The following CCSER2 variants were observed in gnomAD, a reference collection of about 807,000 sequenced individuals.
CCSER2 encodes the protein coiled-coil serine rich protein 2, also known as serine-rich coiled-coil domain-containing protein 2.
In CCSER2, 46 loss-of-function variants were observed where a neutral mutation model predicts 92.3. The observed-to-expected ratio is 0.50, with a 90% CI of 0.39 to 0.64. The LOEUF (loss-of-function observed/expected upper bound fraction) is 0.64. Ranked by LOEUF, CCSER2 falls within the 30% of genes least tolerant of loss-of-function variation. CCSER2 has a pLI of 0.00. For synonymous variants in CCSER2, 433 were observed against 431.4 expected, an observed-to-expected ratio of 1.00 and a Z score of -0.04; for missense variants, 1,244 against 1,238.9, an observed-to-expected ratio of 1.00 and a Z score of -0.06.
chr10:84,389,334 C>T (rs981419534), intron 3 of CCSER2: 14 of 522,946 alleles, frequency 2.7e-5, no homozygotes, highest in Non-Finnish European at 4.6e-5. Context: ...GCAATGTTGA[C>T]AATCTCATCA....
At chr10:84,391,917 T>C (rs1463450720) in intron 3 of CCSER2, 2 of 1,347,768 alleles carry the variant, frequency 1.5e-6, no homozygotes, top group African/African-American at 2.9e-5. Context: ...CAAAAGATGA[T>C]CTCAGAGACA....
intron 7 of CCSER2, among the ~76,000 whole-genome samples, chr10:84,467,784 G>A (rs1846537528): frequency 6.6e-6 from 1 of 152,146 alleles, no homozygotes; most frequent in East Asian, 1.9e-4. Context: ...TAGAAATACA[G>A]TGTCACCCTT....
intron 1 of CCSER2, among the ~76,000 whole-genome samples, chr10:84,367,445 C>T (rs1432759973): frequency 2.0e-5 from 3 of 151,648 alleles, no homozygotes; most frequent in East Asian, 1.9e-4. Flanking sequence ...GGCTTGATCA[C>T]GGCTCACTGC....
intron 9 of CCSER2, among the ~76,000 whole-genome samples, chr10:84,478,886 A>T (rs1847304158): frequency 6.6e-6 from 1 of 152,210 alleles, no homozygotes. Context: ...AGATGATGTG[A>T]TATTATTTAA....
chr10:84,351,137 A>G (rs1432619258), intron 1 of CCSER2, among the ~76,000 whole-genome samples: 2 of 152,182 alleles, frequency 1.3e-5, no homozygotes, highest in Non-Finnish European at 2.9e-5. Flanking sequence ...CATATAGCTG[A>G]CTCTGTGTGT....
At chr10:84,394,905 C>T (rs2093223224) in intron 3 of CCSER2, among the ~76,000 whole-genome samples, 1 of 151,876 alleles carries the variant, frequency 6.6e-6, no homozygotes, top group Non-Finnish European at 1.5e-5. Context: ...GAGAAAAAGT[C>T]AGTGAACTTA....
chr10:84,423,531 T>C (rs879748096), intron 4 of CCSER2, among the ~76,000 whole-genome samples: 2 of 152,238 alleles, frequency 1.3e-5, no homozygotes, highest in Non-Finnish European at 2.9e-5. Flanking sequence ...ACCCATCTCC[T>C]GGCCTATTCG....
At chr10:84,476,739 G>A (rs1026619625) in intron 8 of CCSER2, among the ~76,000 whole-genome samples, 26 of 152,070 alleles carry the variant, frequency 1.7e-4, no homozygotes, top group Admixed American at 1.3e-4. Flanking sequence ...CACCGTGCCT[G>A]GCCGGGAGAA....
chr10:84,491,569 G>T (rs756701314), intron 9 of CCSER2, among the ~76,000 whole-genome samples: 5 of 152,124 alleles, frequency 3.3e-5, no homozygotes, highest in African/African-American at 1.2e-4. Flanking sequence ...CTGGTGTGCC[G>T]TTTGCTAAGA....
chr10:84,490,304 A>C (rs1848079498), intron 9 of CCSER2, among the ~76,000 whole-genome samples: 1 of 152,050 alleles, frequency 6.6e-6, no homozygotes, highest in Non-Finnish European at 1.5e-5. Flanking sequence ...TAGGTTGGGG[A>C]AGTTCTCCTG....
chr10:84,343,829 T>C (rs570454896), intron 1 of CCSER2, among the ~76,000 whole-genome samples: 2 of 152,322 alleles, frequency 1.3e-5, no homozygotes, highest in East Asian at 3.9e-4. Context: ...TTGGTGCTTA[T>C]TTATCCACAT....
intron 3 of CCSER2, among the ~76,000 whole-genome samples, chr10:84,377,257 TTTTCCCACC>T (rs1846388999): frequency 6.6e-6 from 1 of 152,176 alleles, no homozygotes; most frequent in South Asian, 2.1e-4. Flanking sequence ...TTGTGAAGTC[TTTTCCCACC>T]TTAATATCAT....
intron 3 of CCSER2, among the ~76,000 whole-genome samples, chr10:84,378,428 T>C (rs1846455032): frequency 6.8e-6 from 1 of 147,766 alleles, no homozygotes; most frequent in Non-Finnish European, 1.5e-5. Context: ...TTTTTTAAAA[T>C]TAAATTTTTT....
intron 3 of CCSER2, chr10:84,391,865 A>G: frequency 6.8e-7 from 1 of 1,465,138 alleles, no homozygotes; most frequent in South Asian, 1.1e-5. Context: ...GTAATCCAAG[A>G]TTTTATATTT....
chr10:84,465,704 C>A (rs1349432763), intron 7 of CCSER2, among the ~76,000 whole-genome samples: 1 of 151,450 alleles, frequency 6.6e-6, no homozygotes, highest in Non-Finnish European at 1.5e-5. Flanking sequence ...TCCAGTGTTC[C>A]TTTCTAGTTC....
At chr10:84,410,571 G>A (rs879246686) in intron 3 of CCSER2, among the ~76,000 whole-genome samples, 2 of 152,172 alleles carry the variant, frequency 1.3e-5, no homozygotes, top group Non-Finnish European at 2.9e-5. Flanking sequence ...CTTTTGAGAA[G>A]TGTCTGTTCA....
At chr10:84,360,524 G>T (rs190064388) in intron 1 of CCSER2, among the ~76,000 whole-genome samples, 1 of 152,148 alleles carries the variant, frequency 6.6e-6, no homozygotes, top group Non-Finnish European at 1.5e-5. Context: ...TTTAAAAAAT[G>T]AAGTATAACT....
intron 9 of CCSER2, among the ~76,000 whole-genome samples, chr10:84,505,622 G>C (rs1006228604): frequency 6.6e-6 from 1 of 151,910 alleles, no homozygotes; most frequent in East Asian, 1.9e-4. Flanking sequence ...ATTCAATTTC[G>C]TGTATGCTCA....
chr10:84,387,929 T>C (rs1841313009), intron 3 of CCSER2, among the ~76,000 whole-genome samples: 1 of 152,046 alleles, frequency 6.6e-6, no homozygotes, highest in Non-Finnish European at 1.5e-5. Context: ...AATGGCACGA[T>C]CTCGGCTCAC....
Sources: allele counts gnomAD v4.1 joint callset (sites outside exome capture counted in the v4.1 genomes callset), GRCh38; gene constraint gnomAD v4.1.1; transcripts MANE v1.5; gene names NCBI Gene and HGNC (gene_info 2026-07-23, HGNC 2026-07-21).